The following ZEB1 variants were observed in gnomAD, a reference collection of about 807,000 sequenced individuals.
The protein encoded by ZEB1 is zinc finger E-box binding homeobox 1, also known as zinc finger E-box-binding homeobox 1.
A neutral mutation model predicts 84.9 loss-of-function variants in ZEB1; 21 were observed. That is an observed-to-expected ratio of 0.25 (90% CI 0.18 to 0.36). The LOEUF (loss-of-function observed/expected upper bound fraction) is 0.36, where lower values mean the gene tolerates loss of function less well. Among genes scored for constraint, ZEB1 ranks in the 10% least tolerant of loss-of-function variants. The pLI, the probability that ZEB1 is intolerant of heterozygous loss-of-function variation, is 1.00. For synonymous variants in ZEB1, 420 were observed against 471.1 expected (o/e 0.89, Z 1.41); for missense variants, 1,104 against 1,330.2 (o/e 0.83, Z 2.65).
At chr10:31,461,371 C>G in intron 2 of ZEB1, 134 bp downstream of exon 2, 1 of 897,758 alleles carries the variant, frequency 1.1e-6, no homozygotes, top group South Asian at 1.7e-5. Flanking sequence ...ATTAGGTGTC[C>G]TACTTACTAA....
intron 1 of ZEB1, among the ~76,000 whole-genome samples, chr10:31,326,545 G>A (rs2035536007): frequency 6.6e-6 from 1 of 152,152 alleles, no homozygotes; most frequent in African/African-American, 2.4e-5. Flanking sequence ...ATCATCCAAA[G>A]CCATTTTGCA....
chr10:31,397,639 G>A lies in ZEB1; in HGVS notation c.59-63398G>A, dbSNP rs112685013. Reference sequence around the variant, plus strand: ...TCAACAAATTATATATAGCCCATGGGCCAAATCCAGCCCTCAAACCTATTT... The same window carrying A: ...TCAACAAATTATATATAGCCCATGGACCAAATCCAGCCCTCAAACCTATTT... On this transcript the variant is annotated intron_variant, in intron 1 of 8. Transcript: ENST00000424869. Among the ~76,000 whole-genome samples the A allele has an allele frequency of 2.8e-4, 43 of 152,224 alleles. 4 individuals are homozygous for A. Among genetic ancestry groups the A allele is most frequent in the African/African-American group, 1.0e-3 (43 of 41,528 alleles).
intron 1 of ZEB1, among the ~76,000 whole-genome samples, chr10:31,382,071 G>A (rs529055837): frequency 1.9e-4 from 29 of 149,608 alleles, no homozygotes; most frequent in African/African-American, 7.1e-4. Flanking sequence ...CTTCATGGCC[G>A]GTGAGAGTCA....
At chr10:31,337,199 G>A (rs192950946) in intron 1 of ZEB1, among the ~76,000 whole-genome samples, 1 of 152,022 alleles carries the variant, frequency 6.6e-6, no homozygotes, top group Non-Finnish European at 1.5e-5. Flanking sequence ...AGAATATAGT[G>A]TGATTCCATT....
chr10:31,366,364 G>A (rs1029087668), intron 1 of ZEB1, among the ~76,000 whole-genome samples: 2 of 152,098 alleles, frequency 1.3e-5, no homozygotes, highest in Non-Finnish European at 2.9e-5. Context: ...GTGTCACGCA[G>A]GCTCCTCTCA....
intron 1 of ZEB1, among the ~76,000 whole-genome samples, chr10:31,423,044 A>G (rs559504398): frequency 1.1e-4 from 17 of 151,832 alleles, no homozygotes; most frequent in African/African-American, 3.6e-4. Flanking sequence ...GTGTGTGTGT[A>G]TATATATATA....
At chr10:31,368,087 A>G (rs1407117806) in intron 1 of ZEB1, among the ~76,000 whole-genome samples, 1 of 152,066 alleles carries the variant, frequency 6.6e-6, no homozygotes, top group Non-Finnish European at 1.5e-5. Context: ...ACACCCTCAG[A>G]TACCAAAATC....
chr10:31,452,738 TGTGTGAGAGAGAGA>T (rs1439248342), intron 1 of ZEB1, among the ~76,000 whole-genome samples: 4 of 101,052 alleles, frequency 4.0e-5, no homozygotes, highest in East Asian at 2.9e-4. Flanking sequence ...TGTGTGTGTG[TGTGTGAGAGAGAGA>T]GAGAGAGAGA....
At chr10:31,390,425 A>G (rs1168348424) in intron 1 of ZEB1, among the ~76,000 whole-genome samples, 1 of 152,204 alleles carries the variant, frequency 6.6e-6, no homozygotes, top group Non-Finnish European at 1.5e-5. Context: ...GAGGGGCTCA[A>G]ATGGCAAGGA....
At chr10:31,338,447 CT>C (rs2038671730) in intron 1 of ZEB1, among the ~76,000 whole-genome samples, 1 of 152,142 alleles carries the variant, frequency 6.6e-6, no homozygotes, top group Non-Finnish European at 1.5e-5. Flanking sequence ...CCTAGGCAGT[CT>C]GGTTCCACAG....
intron 6 of ZEB1, among the ~76,000 whole-genome samples, chr10:31,519,729 A>G (rs551737784): frequency 6.6e-6 from 1 of 152,276 alleles, no homozygotes; most frequent in South Asian, 2.1e-4. Flanking sequence ...TTTCTTTAAT[A>G]TTTCTCCTAC....
chr10:31,416,620 G>A (rs1193992707), intron 1 of ZEB1, among the ~76,000 whole-genome samples: 5 of 152,014 alleles, frequency 3.3e-5, no homozygotes, highest in Non-Finnish European at 7.4e-5. Flanking sequence ...TTTAAAATAT[G>A]CCATTTGACT....
intron 1 of ZEB1, among the ~76,000 whole-genome samples, chr10:31,369,933 T>A (rs1206468938): frequency 6.6e-6 from 1 of 152,246 alleles, no homozygotes; most frequent in Non-Finnish European, 1.5e-5. Context: ...ATTGTGGTTT[T>A]AATTTGTAAT....
chr10:31,329,593 A>G (rs2036318148), intron 1 of ZEB1, among the ~76,000 whole-genome samples: 1 of 152,168 alleles, frequency 6.6e-6, no homozygotes, highest in African/African-American at 2.4e-5. Context: ...CTAAGTACAT[A>G]TAGTAAGTAT....
intron 8 of ZEB1, 102 bp downstream of exon 8, chr10:31,524,215 T>TA: frequency 1.5e-6 from 2 of 1,308,888 alleles, no homozygotes; most frequent in Non-Finnish European, 2.1e-6. Context: ...TTTTTTTTTT[T>TA]TTATTTTGTT....
At chr10:31,332,722 A>G (rs957038537) in intron 1 of ZEB1, among the ~76,000 whole-genome samples, 6 of 152,164 alleles carry the variant, frequency 3.9e-5, no homozygotes, top group African/African-American at 9.6e-5. Context: ...TTTTTAGACC[A>G]GCTGCTGAGG....
At chr10:31,502,590 TA>T in intron 4 of ZEB1, 81 bp downstream of exon 4, 1 of 1,580,654 alleles carries the variant, frequency 6.3e-7, no homozygotes. Context: ...GAACCTGCTC[TA>T]CTATAGGGAA....
chr10:31,331,707 C>T lies in ZEB1; in HGVS notation c.58+12415C>T, dbSNP rs572786454. The stretch of plus-strand genomic sequence containing the variant: ...TGTGTGGGTTATCCTAGTAAAATAT[C>T]CTAGTGGAAAATAATATTCCATACA... On this transcript the variant is annotated intron_variant, in intron 1 of 8. Transcript: ENST00000424869. Among the ~76,000 whole-genome samples the T allele has an allele frequency of 2.6e-5, 4 of 152,198 alleles. No individual in the cohort carries two copies. In the South Asian group the frequency reaches 8.3e-4, roughly 32 times the overall value.
At chr10:31,400,138 C>A (rs1350538815) in intron 1 of ZEB1, among the ~76,000 whole-genome samples, 1 of 152,122 alleles carries the variant, frequency 6.6e-6, no homozygotes, top group Non-Finnish European at 1.5e-5. Flanking sequence ...ATATATTTTA[C>A]CTACTTTTTT....
Sources: allele counts gnomAD v4.1 joint callset (sites outside exome capture counted in the v4.1 genomes callset), GRCh38; gene constraint gnomAD v4.1.1; transcripts MANE v1.5; gene names NCBI Gene and HGNC (gene_info 2026-07-23, HGNC 2026-07-21).